PBX3: variants seen among roughly 807,000 people sequenced by gnomAD.
The protein encoded by PBX3 is PBX homeobox 3, also known as pre-B-cell leukemia transcription factor 3.
In PBX3, 14 loss-of-function variants were observed where a neutral mutation model predicts 48.5. The ratio of observed to expected loss-of-function variants is 0.29; its 90% CI spans 0.19 to 0.45. PBX3 has a LOEUF of 0.45. Among genes scored for constraint, PBX3 ranks in the 20% least tolerant of loss-of-function variants. The pLI is 1.00. For synonymous variants in PBX3, 210 were observed against 200.3 expected, an observed-to-expected ratio of 1.05 and a Z score of -0.41; for missense variants, 386 against 546.7, an observed-to-expected ratio of 0.71 and a Z score of 2.93.
chr9:125,821,538 GT>G (rs1838653332), intron 2 of PBX3, among the ~76,000 whole-genome samples: 1 of 152,096 alleles, frequency 6.6e-6, no homozygotes, highest in South Asian at 2.1e-4. Flanking sequence ...TAACTAACTT[GT>G]TGGTAGTATT....
intron 3 of PBX3, among the ~76,000 whole-genome samples, chr9:125,917,138 G>A (rs1366489371): frequency 6.6e-6 from 1 of 152,168 alleles, no homozygotes; most frequent in Non-Finnish European, 1.5e-5. Flanking sequence ...ATGTAGGCAA[G>A]TACTTTTTAA....
chr9:125,749,060 A>G (rs190525134), intron 2 of PBX3: 140 of 172,652 alleles, frequency 8.1e-4, no homozygotes, highest in Non-Finnish European at 1.3e-3. Flanking sequence ...ATAGAAGAAT[A>G]GATGCAATTG....
At chr9:125,845,586 G>T (rs577525018) in intron 2 of PBX3, among the ~76,000 whole-genome samples, 23 of 152,100 alleles carry the variant, frequency 1.5e-4, no homozygotes, top group Non-Finnish European at 2.6e-4. Flanking sequence ...AGCATAGAAT[G>T]ATCATGAGCC....
intron 2 of PBX3, among the ~76,000 whole-genome samples, chr9:125,787,599 G>C (rs901359700): frequency 1.3e-5 from 2 of 152,188 alleles, no homozygotes; most frequent in African/African-American, 4.8e-5. Context: ...GAGAGAAAAG[G>C]ATAGGGTGAA....
chr9:125,918,991 A>G (rs752991182), intron 3 of PBX3, among the ~76,000 whole-genome samples: 2 of 152,172 alleles, frequency 1.3e-5, no homozygotes, highest in Non-Finnish European at 2.9e-5. Context: ...AGAGGAGAAA[A>G]TGAGACTCAG....
Position 125,782,859 on chromosome 9 carries a change from A to G in PBX3, c.274+34236A>G, listed in dbSNP as rs899030200. On this transcript the variant is annotated intron_variant, in intron 2 of 8. Coordinates refer to ENST00000373489, the MANE Select transcript of PBX3 (RefSeq NM_006195.6). The stretch of plus-strand genomic sequence containing the variant: ...TAGTAGGCAGGTTTTTTTTTCTTTC[A>G]GCACTTTAAATATGTTGTCCCATTG... Among the ~76,000 whole-genome samples the G allele has an allele frequency of 3.3e-5, 5 of 151,936 alleles. No homozygotes were observed. In the East Asian group the frequency reaches 7.7e-4, roughly 23 times the overall value.
intron 2 of PBX3, among the ~76,000 whole-genome samples, chr9:125,864,470 A>G (rs903942689): frequency 3.3e-5 from 5 of 152,166 alleles, no homozygotes; most frequent in Non-Finnish European, 5.9e-5. Context: ...TTATTATTAC[A>G]TTGTAATATA....
At chr9:125,862,648 G>C (rs1359533685) in intron 2 of PBX3, among the ~76,000 whole-genome samples, 1 of 152,146 alleles carries the variant, frequency 6.6e-6, no homozygotes, top group African/African-American at 2.4e-5. Flanking sequence ...GACTCCCAAA[G>C]TGCTGGGATT....
chr9:125,827,319 A>T (rs903368369), intron 2 of PBX3, among the ~76,000 whole-genome samples: 3 of 152,152 alleles, frequency 2.0e-5, no homozygotes, highest in African/African-American at 7.2e-5. Context: ...AATAAATGTT[A>T]ACATTTTGCC....
At chr9:125,881,154 C>A (rs975669650) in intron 2 of PBX3, among the ~76,000 whole-genome samples, 3 of 152,204 alleles carry the variant, frequency 2.0e-5, no homozygotes, top group Admixed American at 6.5e-5. Flanking sequence ...TATGGCTGTG[C>A]TTTGAAATTT....
chr9:125,824,093 GTAGGC>G (rs909719510), intron 2 of PBX3, among the ~76,000 whole-genome samples: 3 of 149,550 alleles, frequency 2.0e-5, no homozygotes. Context: ...AAAAAAAAAT[GTAGGC>G]TAAAGGGTTA....
intron 4 of PBX3, among the ~76,000 whole-genome samples, chr9:125,932,448 G>A (rs1841739248): frequency 1.3e-5 from 2 of 152,164 alleles, no homozygotes; most frequent in Admixed American, 6.5e-5. Flanking sequence ...CAACAGCCAA[G>A]ACTTACACAT....
chr9:125,862,574 A>G (rs1248364070), intron 2 of PBX3, among the ~76,000 whole-genome samples: 1 of 151,906 alleles, frequency 6.6e-6, no homozygotes, highest in Non-Finnish European at 1.5e-5. Context: ...TTTAGTAGAG[A>G]CGGGGTTTCA....
intron 2 of PBX3, among the ~76,000 whole-genome samples, chr9:125,781,036 C>G (rs1837290560): frequency 8.1e-6 from 1 of 123,420 alleles, no homozygotes; most frequent in African/African-American, 3.3e-5. Flanking sequence ...ACTTTCCAGA[C>G]TGGGCAGCCA....
At chr9:125,927,123 A>C (rs1231693429) in intron 3 of PBX3, among the ~76,000 whole-genome samples, 1 of 152,238 alleles carries the variant, frequency 6.6e-6, no homozygotes, top group Non-Finnish European at 1.5e-5. Context: ...GCAGATTAAG[A>C]ATTCTTCTCT....
intron 2 of PBX3, among the ~76,000 whole-genome samples, chr9:125,826,716 C>G (rs2132176221): frequency 6.6e-6 from 1 of 152,198 alleles, no homozygotes; most frequent in Admixed American, 6.5e-5. Flanking sequence ...GTGGATTGCT[C>G]TGACCCTTAA....
At position 125,816,087 on chromosome 9, in the gene PBX3, C is replaced by T. The variant is rs1838453388; in HGVS notation, c.274+67464C>T. ...GGGTGCGATCATGGCTCACTGCAGCCCCGACTGCCCGGGCTCAGGTGATTC... is the reference window on the plus strand; with the variant it reads ...GGGTGCGATCATGGCTCACTGCAGCTCCGACTGCCCGGGCTCAGGTGATTC... On this transcript the variant is annotated intron_variant, in intron 2 of 8. Coordinates refer to ENST00000373489, the MANE Select transcript of PBX3 (RefSeq NM_006195.6). Among the ~76,000 whole-genome samples, 3 of 152,174 alleles carry T rather than the reference C, an allele frequency of 2.0e-5. No individual in the cohort carries two copies. In the South Asian group the frequency reaches 6.2e-4, roughly 32 times the overall value.
At chr9:125,752,885 GTTCCATACATGA>G (rs1415811576) in intron 2 of PBX3, among the ~76,000 whole-genome samples, 1 of 152,136 alleles carries the variant, frequency 6.6e-6, no homozygotes. Flanking sequence ...CAAATGCACT[GTTCCATACATGA>G]TTCCTTTTTG....
chr9:125,790,670 G>C (rs1460107417), intron 2 of PBX3, among the ~76,000 whole-genome samples: 1 of 152,124 alleles, frequency 6.6e-6, no homozygotes, highest in Admixed American at 6.5e-5. Flanking sequence ...CTGAATTCCA[G>C]TGATTCTTTT....
Sources: allele counts gnomAD v4.1 joint callset (sites outside exome capture counted in the v4.1 genomes callset), GRCh38; gene constraint gnomAD v4.1.1; transcripts MANE v1.5; gene names NCBI Gene and HGNC (gene_info 2026-07-23, HGNC 2026-07-21).